Variants in RASGRF2 observed in about 807,000 individuals in gnomAD.
RASGRF2 encodes the protein ras-specific guanine nucleotide-releasing factor 2.
RASGRF2 carries 76 observed loss-of-function variants against 151.0 expected under a neutral mutation model. The ratio of observed to expected loss-of-function variants is 0.50; its 90% CI spans 0.42 to 0.61. The LOEUF is 0.61. RASGRF2 is among the 20% of genes least tolerant of loss of function. The pLI, the probability that RASGRF2 is intolerant of heterozygous loss-of-function variation, is 0.00. For missense variants in RASGRF2, 1,148 were observed against 1,564.6 expected, an observed-to-expected ratio of 0.73 and a Z score of 4.49; for synonymous variants, 504 against 566.5, an observed-to-expected ratio of 0.89 and a Z score of 1.57.
At chr5:81,170,583 C>G (rs1754636739) in intron 17 of RASGRF2, among the ~76,000 whole-genome samples, 1 of 152,134 alleles carries the variant, frequency 6.6e-6, no homozygotes, top group African/African-American at 2.4e-5. Context: ...TTGAAACACT[C>G]TTCCTCCAAA....
At chr5:80,996,512 TCCTCCTCCC>T (rs1561544798) in intron 1 of RASGRF2, among the ~76,000 whole-genome samples, 2,099 of 64,864 alleles carry the variant, frequency 0.032, 321 homozygotes, top group Non-Finnish European at 0.049. Context: ...TTCCTCCTCC[TCCTCCTCCC>T]CCTCCTCCTC....
intron 10 of RASGRF2, 21 bp from the exon 11 acceptor site, chr5:81,094,275 G>C: frequency 6.2e-7 from 1 of 1,606,528 alleles, no homozygotes. Context: ...GCGTCTTAGT[G>C]AAAAATTGGT....
chr5:81,014,393 A>T (rs1749563904), intron 1 of RASGRF2, among the ~76,000 whole-genome samples: 1 of 152,220 alleles, frequency 6.6e-6, no homozygotes, highest in Non-Finnish European at 1.5e-5. Flanking sequence ...TCTTATGTGG[A>T]TGGTGGCAGG....
intron 12 of RASGRF2, among the ~76,000 whole-genome samples, chr5:81,103,210 T>G (rs1005496494): frequency 4.0e-5 from 6 of 151,894 alleles, no homozygotes; most frequent in Non-Finnish European, 8.8e-5. Flanking sequence ...TTAAAGACAG[T>G]GAGTCAACCA....
intron 17 of RASGRF2, among the ~76,000 whole-genome samples, chr5:81,147,583 G>A (rs1287482576): frequency 6.6e-6 from 1 of 152,178 alleles, no homozygotes; most frequent in African/African-American, 2.4e-5. Flanking sequence ...GCTGTGATGT[G>A]CTCTTATGTG....
At chr5:81,158,687 T>C (rs1375912660) in intron 17 of RASGRF2, among the ~76,000 whole-genome samples, 2 of 151,984 alleles carry the variant, frequency 1.3e-5, no homozygotes, top group African/African-American at 4.8e-5. Context: ...AAATGAAACA[T>C]GAAAAGGTGT....
Position 81,038,567 on chromosome 5 carries a change from CTT to C in RASGRF2, c.289-4288_289-4287del, listed in dbSNP as rs56205345. 6.7e-3 allele frequency among the ~76,000 whole-genome samples: 563 copies of C among 83,714 alleles called. 1 individual carries two copies. The highest frequency in any genetic ancestry group is 7.3e-3 in the Non-Finnish European group (323 of 44,300). 54.9% of individuals were successfully genotyped at this position (83,714 alleles called of 152,430 possible). A position where few individuals can be genotyped will look rare whatever the true frequency, so the allele number is the denominator to read the frequency against. The stretch of plus-strand genomic sequence containing the variant: ...AAAAATATTGATTTGTAAATATTTG[CTT>C]TTTTTTTTTTTTTTTTTTTTTGTAG... On this transcript the variant is annotated intron_variant, in intron 1 of 26. Transcript: ENST00000265080.
chr5:80,978,494 G>C (rs1010181905), intron 1 of RASGRF2, among the ~76,000 whole-genome samples: 5 of 152,038 alleles, frequency 3.3e-5, no homozygotes, highest in African/African-American at 1.2e-4. Context: ...ATTTTAAAGG[G>C]GGACAAGGCC....
At chr5:81,167,745 T>C (rs150297036) in intron 17 of RASGRF2, among the ~76,000 whole-genome samples, 2 of 152,062 alleles carry the variant, frequency 1.3e-5, no homozygotes, top group African/African-American at 2.4e-5. Context: ...CAAGTTCTGA[T>C]GGAAAGATCA....
Position 81,201,233 on chromosome 5 carries a change from C to T in RASGRF2, c.2794-97C>T. On this transcript the variant is annotated intron_variant, in intron 18 of 26. Transcript: ENST00000265080. The stretch of plus-strand genomic sequence containing the variant: ...GGTCCATACATTTTAATTTCCATAC[C>T]TAGCTTCTAGAGAATTTATCATGGA... The T allele has an allele frequency of 2.7e-6, 4 of 1,478,228 alleles. No individual in the cohort carries two copies. In the South Asian group the frequency reaches 4.4e-5, roughly 16 times the overall value. 91.6% of individuals were successfully genotyped at this position (1,478,228 alleles called of 1,614,324 possible). A position where few individuals can be genotyped will look rare whatever the true frequency, so the allele number is the denominator to read the frequency against.
At chr5:80,993,223 G>A (rs1748711387) in intron 1 of RASGRF2, among the ~76,000 whole-genome samples, 1 of 152,176 alleles carries the variant, frequency 6.6e-6, no homozygotes, top group Admixed American at 6.5e-5. Context: ...AAATGACAGT[G>A]TCTGGAAATG....
chr5:81,191,127 C>A (rs1286779886), intron 18 of RASGRF2, among the ~76,000 whole-genome samples: 1 of 152,184 alleles, frequency 6.6e-6, no homozygotes, highest in Non-Finnish European at 1.5e-5. Flanking sequence ...TCCGACCAGG[C>A]CTGGACCAGT....
chr5:80,973,092 T>C (rs540602128), intron 1 of RASGRF2, among the ~76,000 whole-genome samples: 3 of 152,194 alleles, frequency 2.0e-5, no homozygotes, highest in Non-Finnish European at 4.4e-5. Flanking sequence ...CATTTATCTG[T>C]CCATGAAATG....
At chr5:81,085,643 G>A (rs1481811418) in intron 7 of RASGRF2, among the ~76,000 whole-genome samples, 159 bp from the exon 8 acceptor site, 1 of 152,140 alleles carries the variant, frequency 6.6e-6, no homozygotes, top group Non-Finnish European at 1.5e-5. Context: ...AGTGTGAAGT[G>A]TAGTTCATTT....
Position 81,166,754 on chromosome 5 carries a change from G to A in RASGRF2, c.2687-13421G>A, listed in dbSNP as rs564083142. Among the ~76,000 whole-genome samples, 15 of 152,212 alleles carry A rather than the reference G, an allele frequency of 9.9e-5. No homozygotes were observed. The East Asian group carries it at 2.3e-3, about 24-fold the overall frequency. On this transcript the variant is annotated intron_variant, in intron 17 of 26. Coordinates refer to ENST00000265080, the MANE Select transcript of RASGRF2 (RefSeq NM_006909.3). ...TGAGCTTCATCCAAGGAGACACTAA[G>A]GAAGGGACCTTAGAGGCATCCAGAT...
chr5:81,181,969 G>GA (rs36097847), intron 18 of RASGRF2, among the ~76,000 whole-genome samples: 1 of 151,844 alleles, frequency 6.6e-6, no homozygotes, highest in African/African-American at 2.4e-5. Flanking sequence ...TATTTTTGGT[G>GA]AAAAAATTCA....
At chr5:81,014,300 G>C (rs1174255385) in intron 1 of RASGRF2, among the ~76,000 whole-genome samples, 1 of 152,160 alleles carries the variant, frequency 6.6e-6, no homozygotes, top group Non-Finnish European at 1.5e-5. Flanking sequence ...ATTTACAAAA[G>C]AAAGAGGTTT....
chr5:81,154,967 A>G (rs1411191052), intron 17 of RASGRF2, among the ~76,000 whole-genome samples: 4 of 152,268 alleles, frequency 2.6e-5, no homozygotes, highest in Non-Finnish European at 4.4e-5. Context: ...CTTTTTGATA[A>G]TAGCCATTCT....
intron 18 of RASGRF2, among the ~76,000 whole-genome samples, chr5:81,186,303 G>A (rs2112685792): frequency 6.6e-6 from 1 of 152,270 alleles, no homozygotes; most frequent in South Asian, 2.1e-4. Context: ...CAAGATCTGG[G>A]ACATTTCCAG....
Sources: allele counts gnomAD v4.1 joint callset (sites outside exome capture counted in the v4.1 genomes callset), GRCh38; gene constraint gnomAD v4.1.1; transcripts MANE v1.5; gene names NCBI Gene and HGNC (gene_info 2026-07-23, HGNC 2026-07-21).